The following ICE1 variants were observed in gnomAD, a reference collection of about 807,000 sequenced individuals.
ICE1 encodes interactor of little elongation complex ELL subunit 1.
A neutral mutation model predicts 192.7 loss-of-function variants in ICE1; 64 were observed. That is an observed-to-expected ratio of 0.33 (90% confidence interval 0.27 to 0.41). ICE1 has a LOEUF of 0.41. Ranked by LOEUF, ICE1 falls within the 10% of genes least tolerant of loss-of-function variation. ICE1 has a pLI of 1.00. For missense variants in ICE1, 2,708 were observed against 2,696.0 expected (o/e 1.00, Z -0.10); for synonymous variants, 1,010 against 984.5 (o/e 1.03, Z -0.49).
chr5:5,484,351 C>T (rs1217277188), intron 17 of ICE1, among the ~76,000 whole-genome samples: 2 of 152,196 alleles, frequency 1.3e-5, no homozygotes, highest in Non-Finnish European at 2.9e-5. Flanking sequence ...GGAACGCATG[C>T]ACATCCCATG....
rs1739725375 is a variant in ICE1, at chr5:5,489,347, G to A, written c.*17G>A. On this transcript the variant is annotated 3_prime_UTR_variant, in exon 19 of 19. Transcript: ENST00000296564. ...CTTGGCTGACCTGGGATGCCACTGA[G>A]GCTTGAGAAGTGCCTTGACACATTT... 10 of 1,582,674 alleles carry A rather than the reference G, an allele frequency of 6.3e-6. No individual in the cohort carries two copies. Among genetic ancestry groups the A allele is most frequent in the Non-Finnish European group, 8.6e-6 (10 of 1,166,396 alleles).
At chr5:5,452,537 C>T (rs1738455248) in intron 10 of ICE1, among the ~76,000 whole-genome samples, 1 of 152,030 alleles carries the variant, frequency 6.6e-6, no homozygotes, top group African/African-American at 2.4e-5. Context: ...GACCTGAGTA[C>T]ATAAACATGT....
At chr5:5,459,394 A>G (rs1208317978) in intron 12 of ICE1, among the ~76,000 whole-genome samples, 2 of 152,192 alleles carry the variant, frequency 1.3e-5, no homozygotes, top group Non-Finnish European at 2.9e-5. Flanking sequence ...GGTATGAGGT[A>G]TGCATGTACA....
intron 16 of ICE1, among the ~76,000 whole-genome samples, chr5:5,475,583 G>A (rs758317263): frequency 1.3e-5 from 2 of 152,152 alleles, no homozygotes; most frequent in Non-Finnish European, 2.9e-5. Flanking sequence ...TACATGCACA[G>A]CTTTATTTGT....
chr5:5,454,495 G>A (rs1036179380), intron 10 of ICE1, 57 bp from the exon 11 acceptor site: 3 of 1,163,316 alleles, frequency 2.6e-6, no homozygotes, highest in Non-Finnish European at 3.9e-6. Context: ...AGTATGTTCT[G>A]GCCTTGTGTA....
intron 17 of ICE1, among the ~76,000 whole-genome samples, chr5:5,483,977 G>A (rs965210316): frequency 1.3e-5 from 2 of 152,204 alleles, no homozygotes; most frequent in South Asian, 4.1e-4. Context: ...AGAAGGGTCT[G>A]CCTGTAGACT....
intron 1 of ICE1, among the ~76,000 whole-genome samples, chr5:5,424,025 G>C (rs940728559): frequency 6.6e-6 from 1 of 152,158 alleles, no homozygotes; most frequent in African/African-American, 2.4e-5. Context: ...GGGAAGGATC[G>C]GGCTGTCAGA....
In ICE1 at chr5:5,464,905, A is replaced by G. The variant is rs1373514211; in HGVS notation, c.5571A>G (p.Pro1857=). Residue 1857 remains proline, a synonymous_variant, in exon 13 of 19, where the codon CCA becomes CCG. Transcript: ENST00000296564. The surrounding 1 kb of genome is among the most constrained non-coding windows in gnomAD (Gnocchi z 4.0). ...RLRLDTGSPE[P]ETRGVTAEGI... is the part of the protein sequence containing the mutation. The stretch of plus-strand genomic sequence containing the variant: ...GCCTGGACACTGGGTCCCCAGAACC[A>G]GAAACCAGGGGAGTCACTGCAGAAG... The G allele has an allele frequency of 2.5e-6, 4 of 1,613,428 alleles. No individual in the cohort carries two copies. Among genetic ancestry groups the G allele is most frequent in the Non-Finnish European group, 3.4e-6 (4 of 1,179,640 alleles).
At chr5:5,444,865 C>T (rs533869221) in intron 7 of ICE1, among the ~76,000 whole-genome samples, 58 of 152,234 alleles carry the variant, frequency 3.8e-4, no homozygotes, top group South Asian at 8.3e-4. Flanking sequence ...AGGGACCATG[C>T]GAGAATCTAA....
intron 5 of ICE1, among the ~76,000 whole-genome samples, chr5:5,441,828 C>G (rs1245574036): frequency 1.3e-5 from 2 of 152,146 alleles, no homozygotes; most frequent in African/African-American, 4.8e-5. Context: ...AATCTCTTTT[C>G]ATTTCTTTTT....
intron 14 of ICE1, 79 bp downstream of exon 14, chr5:5,466,581 C>A: frequency 8.7e-7 from 1 of 1,149,138 alleles, no homozygotes; most frequent in Non-Finnish European, 1.2e-6. Flanking sequence ...ATATTTTCAG[C>A]TCTGATTACT....
Position 5,468,958 on chromosome 5 carries a change from C to CCTG in ICE1, c.6192_6193insCTG (p.Asn2064_Cys2065insLeu). The CCTG allele has an allele frequency of 6.4e-7, 1 of 1,563,720 alleles. No homozygotes were observed. Among genetic ancestry groups the CCTG allele is most frequent in the Non-Finnish European group, 8.6e-7 (1 of 1,158,522 alleles). On this transcript the variant is annotated inframe_insertion, in exon 15 of 19. Transcript: ENST00000296564. ...AACGTGCTAAAGGAGAGGTTCTGAA[C>CCTG]TGCTTGAGAGCTTTTCTTAATTGGG...
At chr5:5,432,553 C>T (rs140983416) in intron 1 of ICE1, among the ~76,000 whole-genome samples, 32 of 152,208 alleles carry the variant, frequency 2.1e-4, no homozygotes, top group Non-Finnish European at 3.5e-4. Flanking sequence ...ACTGTTGGAT[C>T]GTTGGGTAAC....
At chr5:5,458,090 A>G (rs1301971296) in intron 12 of ICE1, among the ~76,000 whole-genome samples, 1 of 152,234 alleles carries the variant, frequency 6.6e-6, no homozygotes, top group Non-Finnish European at 1.5e-5. Context: ...TAGTGACAGG[A>G]AAATCCATGT....
Position 5,464,482 on chromosome 5 carries a change from C to T in ICE1, c.5148C>T (p.Phe1716=), listed in dbSNP as rs751234918. Residue 1716 remains phenylalanine (F), a synonymous_variant, in exon 13 of 19, where the codon TTC becomes TTT. Transcript: ENST00000296564. The surrounding 1 kb of genome is among the most constrained non-coding windows in gnomAD (Gnocchi z 4.0). ...GGGTAGTGCCGTCTCCTCTGCAGTT[C>T]TGTGCGGCCACGCCGAAGCACGCAC... ...SERVVPSPLQ[F]CAATPKHALP... is the part of the protein sequence containing the mutation. The T allele has an allele frequency of 6.2e-7, 1 of 1,613,950 alleles. No homozygotes were observed. The highest frequency in any genetic ancestry group is 2.2e-5 in the East Asian group (1 of 44,870).
At chr5:5,455,391 T>G (rs1443447576) in intron 11 of ICE1, among the ~76,000 whole-genome samples, 3 of 152,212 alleles carry the variant, frequency 2.0e-5, no homozygotes, top group Non-Finnish European at 2.9e-5. Flanking sequence ...CCCATTGGTA[T>G]TAACCACATG....
At chr5:5,489,075 A>G in intron 18 of ICE1, 74 bp from the exon 19 acceptor site, 1 of 1,224,628 alleles carries the variant, frequency 8.2e-7, no homozygotes, top group South Asian at 1.3e-5. Context: ...ATAGTATTCC[A>G]GTAGGTTACA....
rs749167315 is a variant in ICE1, at chr5:5,460,934, C to G, written c.1600C>G (p.Pro534Ala). The G allele has an allele frequency of 3.1e-6, 5 of 1,613,776 alleles. No individual in the cohort carries two copies. The highest frequency in any genetic ancestry group is 3.3e-5 in the Admixed American group (2 of 60,008). The change falls in exon 13 of 19, where the codon CCC (proline) becomes GCC (alanine). Residue 534 changes from proline to alanine, a missense_variant. Pro to Ala is a conservative substitution (Grantham distance 27). Transcript: ENST00000296564. ...TGGGAAGTCTGAGTTGTGTTCTTCT[C>G]CCCTTGGCAAAAGGCCATTAAATGA... The part of the protein sequence containing the change: ...APGKSELCSS[P>A]LGKRPLNELM...
chr5:5,483,000 T>G (rs2111405839), intron 17 of ICE1, among the ~76,000 whole-genome samples: 1 of 151,966 alleles, frequency 6.6e-6, no homozygotes, highest in South Asian at 2.1e-4. Flanking sequence ...TCTTTTTTTG[T>G]TTTTTTTGAG....
Sources: allele counts gnomAD v4.1 joint callset (sites outside exome capture counted in the v4.1 genomes callset), GRCh38; gene constraint gnomAD v4.1.1; non-coding constraint Gnocchi (gnomAD v3.1); transcripts MANE v1.5; gene names NCBI Gene and HGNC (gene_info 2026-07-23, HGNC 2026-07-21).